Variants in SYBU observed in about 807,000 individuals in gnomAD.
The protein encoded by SYBU is GOLSYN A protein.
Under a neutral mutation model 35.9 loss-of-function variants are expected in SYBU, and 21 were observed. The ratio of observed to expected loss-of-function variants is 0.58; its 90% CI spans 0.41 to 0.84. SYBU has a LOEUF of 0.84. Among genes scored for constraint, SYBU ranks in the 40% least tolerant of loss-of-function variants. SYBU has a pLI of 0.00. For synonymous variants in SYBU, 319 were observed against 324.3 expected (o/e 0.98, Z 0.18); for missense variants, 768 against 848.2 (o/e 0.91, Z 1.17).
intron 1 of SYBU, among the ~76,000 whole-genome samples, chr8:109,675,877 G>T (rs2130774257): frequency 6.6e-6 from 1 of 152,256 alleles, no homozygotes; most frequent in East Asian, 1.9e-4. Flanking sequence ...GAACACTGAT[G>T]CAAAAATCCT....
chr8:109,609,129 C>A (rs1892758), intron 3 of SYBU, among the ~76,000 whole-genome samples: 15 of 151,970 alleles, frequency 9.9e-5, no homozygotes, highest in Admixed American at 4.6e-4. Context: ...GTGAAGAACC[C>A]CTCCTCCTGC....
At chr8:109,642,229 C>T (rs938645842) in intron 2 of SYBU, among the ~76,000 whole-genome samples, 1 of 152,140 alleles carries the variant, frequency 6.6e-6, no homozygotes, top group African/African-American at 2.4e-5. Context: ...ACCGCATGTT[C>T]TCACTCATAA....
chr8:109,588,932 A>G (rs11993521), intron 3 of SYBU, among the ~76,000 whole-genome samples: 24,085 of 152,016 alleles, frequency 0.16, 5,461 homozygotes, highest in African/African-American at 0.5. Flanking sequence ...GGCCAAGGTG[A>G]GTGGATCACC....
intron 2 of SYBU, among the ~76,000 whole-genome samples, chr8:109,631,013 T>A (rs1813563876): frequency 6.6e-6 from 1 of 152,186 alleles, no homozygotes; most frequent in African/African-American, 2.4e-5. Flanking sequence ...TGTTGAATGC[T>A]GCTGAGAGGT....
intron 3 of SYBU, among the ~76,000 whole-genome samples, chr8:109,605,526 C>A (rs893161508): frequency 1.3e-5 from 2 of 152,094 alleles, no homozygotes; most frequent in African/African-American, 4.8e-5. Context: ...ATGCCACGTT[C>A]TTTCCAGGGA....
chr8:109,607,602 A>C (rs1382546131), intron 3 of SYBU, among the ~76,000 whole-genome samples: 1 of 152,188 alleles, frequency 6.6e-6, no homozygotes, highest in African/African-American at 2.4e-5. Flanking sequence ...GAGCATTCTA[A>C]ATATAATTGC....
chr8:109,575,907 T>C lies in SYBU; in HGVS notation c.991A>G (p.Arg331Gly). The C allele has an allele frequency of 6.2e-7, 1 of 1,614,042 alleles. No individual in the cohort carries two copies. The highest frequency in any genetic ancestry group is 8.5e-7 in the Non-Finnish European group (1 of 1,180,020). Residue 331 changes from arginine (R) to glycine (G), a missense_variant, in exon 7 of 7, where the codon AGG becomes GGG. Physicochemically the swap from Arg to Gly is moderately radical, Grantham distance 125 (BLOSUM62 -2). Coordinates refer to ENST00000276646, the MANE Select transcript of SYBU (RefSeq NM_001099754.2). ...TGTTTGAGCTGTTTAATCTCTTTCC[T>C]GGCTTCTTTGAGTGCCAACTGGGCC... ...VEAQLALKEA[R>G]KEIKQLKQVI...
chr8:109,642,701 T>G (rs749859167), intron 2 of SYBU, 27 bp downstream of exon 2: 2 of 1,536,576 alleles, frequency 1.3e-6, no homozygotes, highest in Non-Finnish European at 1.8e-6. Context: ...GCTTCACGCC[T>G]CTGGTGGCCT....
chr8:109,654,220 G>C (rs1816266968), intron 1 of SYBU, among the ~76,000 whole-genome samples: 1 of 152,088 alleles, frequency 6.6e-6, no homozygotes, highest in Non-Finnish European at 1.5e-5. Context: ...AAAGTTACTT[G>C]TCTAGAGTAT....
chr8:109,638,386 G>A (rs971918363), intron 2 of SYBU, among the ~76,000 whole-genome samples: 20 of 152,134 alleles, frequency 1.3e-4, no homozygotes, highest in Non-Finnish European at 5.9e-5. Context: ...GAGAAAAATG[G>A]ATAGAGGCTA....
Position 109,679,919 on chromosome 8 carries a change from A to G in SYBU, c.-129+792T>C, listed in dbSNP as rs1817339561. 5.3e-5 allele frequency among the ~76,000 whole-genome samples: 8 copies of G among 152,314 alleles called. No homozygotes were observed. The South Asian group carries it at 1.5e-3, about 28-fold the overall frequency. On this transcript the variant is annotated intron_variant, in intron 1 of 5. Transcript: ENST00000408889. ...CCAGTTTCACCTGCAAGAGTCTCCAAGTTTTAAACTAAACCATTACCTTCA... is the reference window on the plus strand; with the variant it reads ...CCAGTTTCACCTGCAAGAGTCTCCAGGTTTTAAACTAAACCATTACCTTCA...
chr8:109,677,317 A>G (rs990051499), intron 1 of SYBU, among the ~76,000 whole-genome samples: 6 of 152,250 alleles, frequency 3.9e-5, no homozygotes, highest in African/African-American at 1.4e-4. Flanking sequence ...ATATTTTCCA[A>G]TGACCAAAAT....
At chr8:109,688,231 A>T (rs745732529) in intron 1 of SYBU, among the ~76,000 whole-genome samples, 1 of 152,246 alleles carries the variant, frequency 6.6e-6, no homozygotes, top group Non-Finnish European at 1.5e-5. Context: ...CTGAGTAAAA[A>T]AACAATGTGT....
rs181456852 is a variant in SYBU, at chr8:109,674,317, T to A, written c.-129+6394A>T. Among the ~76,000 whole-genome samples the A allele has an allele frequency of 3.5e-3, 535 of 151,372 alleles. 3 individuals are homozygous for A. Among genetic ancestry groups the A allele is most frequent in the African/African-American group, 0.012 (508 of 41,260 alleles). On this transcript the variant is annotated intron_variant, in intron 1 of 5. Coordinates refer to the SYBU transcript ENST00000408889. ...CAGGTTACTCACAAAGGGAAGCCCATCAGACTAACAGCGGATCTCTCTGCA... is the reference window on the plus strand; with the variant it reads ...CAGGTTACTCACAAAGGGAAGCCCAACAGACTAACAGCGGATCTCTCTGCA...
intron 1 of SYBU, among the ~76,000 whole-genome samples, chr8:109,659,875 A>G (rs1816497455): frequency 6.6e-6 from 1 of 152,150 alleles, no homozygotes; most frequent in Non-Finnish European, 1.5e-5. Flanking sequence ...TGCTTAAGGC[A>G]GTTTTTTTAA....
chr8:109,622,363 C>G (rs920214481), intron 2 of SYBU, among the ~76,000 whole-genome samples: 1 of 152,082 alleles, frequency 6.6e-6, no homozygotes, highest in Non-Finnish European at 1.5e-5. Flanking sequence ...TCCTGAGTAG[C>G]TGGGATTACA....
chr8:109,644,620 GC>G lies in SYBU; in HGVS notation c.24+15del. 6.5e-7 allele frequency: 1 copy of G among 1,544,030 alleles called. No individual in the cohort carries two copies. The highest frequency in any genetic ancestry group is 1.9e-5 in the Admixed American group (1 of 52,280). On this transcript the variant is annotated intron_variant, in intron 1 of 6. Transcript: ENST00000276646. ...TTCCCCGCCCTCCAGTGCCCGCACT[GC>G]CCCGCGCTCCTTACCTTGCTCTCGC...
chr8:109,629,654 A>G (rs1813375355), intron 2 of SYBU, among the ~76,000 whole-genome samples: 1 of 152,088 alleles, frequency 6.6e-6, no homozygotes, highest in South Asian at 2.1e-4. Context: ...CTTTGGGTAT[A>G]TACCCAGTAA....
intron 2 of SYBU, among the ~76,000 whole-genome samples, chr8:109,640,034 G>A (rs1247827072): frequency 6.6e-6 from 1 of 152,198 alleles, no homozygotes; most frequent in Non-Finnish European, 1.5e-5. Flanking sequence ...AGCACAGGAA[G>A]ATGAAGAGAG....
Sources: gnomAD v4.1 joint callset for allele counts (sites outside exome capture counted in the v4.1 genomes callset) on GRCh38, gnomAD v4.1.1 for gene constraint, MANE v1.5 for transcripts, NCBI Gene and HGNC (gene_info 2026-07-23, HGNC 2026-07-21) for gene names.